The following TAS2R30 variants were observed in gnomAD, a reference collection of about 807,000 sequenced individuals.
TAS2R30 encodes taste 2 receptor member 30, also known as taste receptor type 2 member 30.
For missense variants in TAS2R30, 395 were observed against 371.6 expected (o/e 1.06, Z -0.52); for synonymous variants, 141 against 131.6 (o/e 1.07, Z -0.49).
exon 1 of TAS2R30, chr12:11,133,151 A>T (rs140979402): frequency 9.9e-7 from 1 of 1,012,628 alleles, no homozygotes; most frequent in Admixed American, 3.3e-5. Flanking sequence ...ACATCTATAT[A>T]TATGTACTTT....
rs371359132 is a variant in TAS2R30, at chr12:11,133,370, G to A, written c.875C>T (p.Ser292Leu). Residue 292 changes from serine (S) to leucine (L), a missense_variant, in exon 1 of 1, where the codon TCA becomes TTA. Transcript: ENST00000539585. The stretch of plus-strand genomic sequence containing the variant: ...CCAGTACCTCACATGCCGCAAAACT[G>A]AAAGAAAAATCTGCTTTAGCTTCTT... The A allele has an allele frequency of 2.5e-6, 4 of 1,613,804 alleles. No individual in the cohort carries two copies. The East Asian group carries it at 6.7e-5, about 27-fold the overall frequency.
In TAS2R30 at chr12:11,133,887, G is replaced by T. The variant is rs111498087; in HGVS notation, c.358C>A (p.Arg120Ser). ...ACACTCTTAACTCTCCTCTTTATGC[G>T]AAGAAAAATAAGGTTGGAGAAATTG... Residue 120 changes from arginine (R) to serine (S), a missense_variant, in exon 1 of 1, where the codon CGC (arginine) becomes AGC (serine). By Grantham distance (110) the Arg-to-Ser change is moderately radical (BLOSUM62 -1). Transcript: ENST00000539585. 7.4e-6 allele frequency: 12 copies of T among 1,614,078 alleles called. No individual in the cohort carries two copies. In the African/African-American group the frequency reaches 1.1e-4, roughly 14 times the overall value.
At chr12:11,133,118 C>CAT in exon 1 of TAS2R30, 3 of 637,188 alleles carry the variant, frequency 4.7e-6, no homozygotes, top group Non-Finnish European at 4.3e-6. Flanking sequence ...TTCAGTTTTT[C>CAT]ATACACACAC....
At chr12:11,133,908 A>G in exon 1 of TAS2R30, 2 of 1,614,144 alleles carry the variant, frequency 1.2e-6, no homozygotes. Flanking sequence ...AGGTTGGAGA[A>G]ATTGGCAATC....
In TAS2R30 at chr12:11,134,540, A is replaced by T. The variant is rs1043511718; in HGVS notation, c.-296T>A. On this transcript the variant is annotated 5_prime_UTR_variant, in exon 1 of 1. An upstream start codon of the reference 5' UTR is lost. Transcript: ENST00000539585. ...TGGAATTATTCATACTGAAATTGAC[A>T]TGAAACCTGAATTCTCATTTGCTAG... 3.0e-5 allele frequency: 10 copies of T among 338,140 alleles called. No homozygotes were observed. The highest frequency in any genetic ancestry group is 9.0e-5 in the Admixed American group (2 of 22,276). 20.9% of individuals were successfully genotyped at this position (338,140 alleles called of 1,614,324 possible). A position where few individuals can be genotyped will look rare whatever the true frequency, so the allele number is the denominator to read the frequency against.
the TAS2R30 span, chr12:11,133,717 AT>A: frequency 2.5e-5 from 40 of 1,614,064 alleles, no homozygotes; most frequent in Non-Finnish European, 3.4e-5. Context: ...TTAGAGTCAT[AT>A]TTGAATGGTA....
At chr12:11,133,661 A>C in exon 1 of TAS2R30, 1 of 1,614,278 alleles carries the variant, frequency 6.2e-7, no homozygotes, top group Middle Eastern at 1.6e-4. Flanking sequence ...TAACAGCAGA[A>C]AAGATATCAG....
In TAS2R30 at chr12:11,134,319, C is replaced by T. The variant is rs1946484791; in HGVS notation, c.-75G>A. On this transcript the variant is annotated 5_prime_UTR_variant, in exon 1 of 1. Coordinates refer to ENST00000539585, the Ensembl canonical transcript of TAS2R30. ...GTTGTGATTGCTTGAATATCCTGAC[C>T]TTAAATTCTATATGCACCTGATTTG... is the stretch of plus-strand genomic sequence containing the variant. 4 of 1,333,224 alleles carry T rather than the reference C, an allele frequency of 3.0e-6. No homozygotes were observed. In the South Asian group the frequency reaches 6.3e-5, roughly 21 times the overall value. The allele number at this position is 1,333,224 out of a possible 1,614,324, so 82.6% of individuals were successfully genotyped here. A position where few individuals can be genotyped will look rare whatever the true frequency, so the allele number is the denominator to read the frequency against.
exon 1 of TAS2R30, chr12:11,134,477 A>T: frequency 1.9e-6 from 1 of 526,340 alleles, no homozygotes; most frequent in Non-Finnish European, 3.2e-6. Flanking sequence ...AACAATTCAA[A>T]TTAACTGACT....
exon 1 of TAS2R30, chr12:11,133,052 T>G: frequency 2.2e-6 from 1 of 451,980 alleles, no homozygotes; most frequent in Non-Finnish European, 3.7e-6. Flanking sequence ...TCATATTTTC[T>G]ATAATTTGGC....
chr12:11,134,437 T>A (rs944966712), exon 1 of TAS2R30: 5 of 642,876 alleles, frequency 7.8e-6, no homozygotes, highest in African/African-American at 7.4e-5. Context: ...AGTTCAATGC[T>A]CTCTTTATGG....
exon 1 of TAS2R30, chr12:11,133,426 T>C: frequency 6.2e-7 from 1 of 1,613,992 alleles, no homozygotes; most frequent in Non-Finnish European, 8.5e-7. Context: ...ATGGGTGGGT[T>C]GAAGGATAGC....
exon 1 of TAS2R30, chr12:11,133,299 A>G: frequency 1.2e-6 from 2 of 1,610,612 alleles, no homozygotes; most frequent in Non-Finnish European, 1.7e-6. Flanking sequence ...AAGACACACA[A>G]TGCCCCTCTT....
chr12:11,134,050 A>T lies in TAS2R30; in HGVS notation c.195T>A (p.His65Gln), dbSNP rs185576176. 1.9e-5 allele frequency: 30 copies of T among 1,614,138 alleles called. No homozygotes were observed. The East Asian group carries it at 6.2e-4, about 34-fold the overall frequency. ...CTGGATTCAACTGAGTTGCATACCA[A>T]TGTAGTAATAACACCCAGAGCAAAC... Residue 65 changes from histidine (H) to glutamine (Q), a missense_variant, in exon 1 of 1, where the codon CAT becomes CAA. Physicochemically the swap from His to Gln is conservative, Grantham distance 24. Coordinates refer to ENST00000539585, the Ensembl canonical transcript of TAS2R30.
At chr12:11,133,775 T>C (rs749498965) in exon 1 of TAS2R30, 1 of 1,614,196 alleles carries the variant, frequency 6.2e-7, no homozygotes, top group Non-Finnish European at 8.5e-7. Flanking sequence ...TCCTTCATAT[T>C]CTTTTGTCCA....
the TAS2R30 span, chr12:11,133,363 C>CA: frequency 6.2e-7 from 1 of 1,613,782 alleles, no homozygotes; most frequent in Non-Finnish European, 8.5e-7. Context: ...TCACATGCCG[C>CA]AAAACTGAAA....
chr12:11,133,937 C>G, exon 1 of TAS2R30: 1 of 1,614,102 alleles, frequency 6.2e-7, no homozygotes, highest in Non-Finnish European at 8.5e-7. Flanking sequence ...ATAAAACATG[C>G]TGAGGCTAGT....
chr12:11,133,737 T>C, exon 1 of TAS2R30: 1 of 1,525,802 alleles, frequency 6.6e-7, no homozygotes, highest in Non-Finnish European at 8.9e-7. Flanking sequence ...TACATTGCAC[T>C]CCTCAATTTG....
chr12:11,134,269 T>G (rs780661716), exon 1 of TAS2R30: 1 of 1,588,090 alleles, frequency 6.3e-7, no homozygotes, highest in Non-Finnish European at 8.6e-7. Flanking sequence ...AAAGAAATTT[T>G]TAAAATGCTG....
Sources: gnomAD v4.1 joint callset for allele counts on GRCh38, gnomAD v4.1.1 for gene constraint, MANE v1.5 for transcripts, NCBI Gene and HGNC (gene_info 2026-07-23, HGNC 2026-07-21) for gene names.